KCNC2: variants seen among roughly 807,000 people sequenced by gnomAD.
KCNC2 encodes potassium voltage-gated channel subfamily C member 2, also known as voltage-gated potassium channel KCNC2.
In KCNC2, 21 loss-of-function variants were observed where a neutral mutation model predicts 44.5. The ratio of observed to expected loss-of-function variants is 0.47; its 90% CI spans 0.33 to 0.68. The LOEUF is 0.68. KCNC2 is among the 30% of genes least tolerant of loss of function. KCNC2 has a pLI of 0.01. For missense variants in KCNC2, 589 were observed against 826.2 expected (o/e 0.71, Z 3.52); for synonymous variants, 391 against 339.1 (o/e 1.15, Z -1.68).
At chr12:75,109,959 C>T (rs1699073549) in intron 2 of KCNC2, among the ~76,000 whole-genome samples, 1 of 151,152 alleles carries the variant, frequency 6.6e-6, no homozygotes, top group Admixed American at 6.6e-5. Context: ...TGGCAAAAAT[C>T]AATGGACAGG....
At chr12:75,118,361 T>G (rs1445553597) in intron 2 of KCNC2, among the ~76,000 whole-genome samples, 1 of 151,990 alleles carries the variant, frequency 6.6e-6, no homozygotes, top group East Asian at 1.9e-4. Context: ...ACAAATAAAT[T>G]TAAATAACTT....
At chr12:75,107,083 T>C (rs1317836651) in intron 2 of KCNC2, among the ~76,000 whole-genome samples, 2 of 152,046 alleles carry the variant, frequency 1.3e-5, no homozygotes, top group African/African-American at 4.8e-5. Context: ...GGGGGGCAGA[T>C]CATGAGGTTA....
intron 2 of KCNC2, among the ~76,000 whole-genome samples, chr12:75,146,621 A>G (rs962331623): frequency 2.0e-5 from 3 of 152,234 alleles, no homozygotes; most frequent in Admixed American, 6.5e-5. Context: ...GTGCAAGTGC[A>G]TGAATTTCTC....
At chr12:75,136,164 C>T (rs1262240723) in intron 2 of KCNC2, among the ~76,000 whole-genome samples, 1 of 151,922 alleles carries the variant, frequency 6.6e-6, no homozygotes, top group Non-Finnish European at 1.5e-5. Context: ...CATACCGAAA[C>T]ATCTGGGATG....
In KCNC2 at chr12:75,041,443, G is replaced by A; in HGVS notation, c.*1662C>T. 7.8e-7 allele frequency: 1 copy of A among 1,276,172 alleles called. No homozygotes were observed. 79.1% of individuals were successfully genotyped at this position (1,276,172 alleles called of 1,614,324 possible). On this transcript the variant is annotated 3_prime_UTR_variant, in exon 5 of 5. Transcript: ENST00000549446. ...GTGGCCAATAATAAAAGTGACAATT[G>A]TCTTCCTAACAAAAAATAAACATGA...
intron 2 of KCNC2, among the ~76,000 whole-genome samples, chr12:75,206,974 G>C (rs1028610048): frequency 6.6e-6 from 1 of 152,184 alleles, no homozygotes; most frequent in Non-Finnish European, 1.5e-5. Context: ...GGAGAAACTC[G>C]AGATGAATCC....
intron 2 of KCNC2, among the ~76,000 whole-genome samples, chr12:75,106,055 G>C (rs540340628): frequency 6.6e-6 from 1 of 152,044 alleles, no homozygotes; most frequent in African/African-American, 2.4e-5. Flanking sequence ...AAGAGACTAA[G>C]AAGGAACAAA....
chr12:75,157,199 G>A (rs1890818596), intron 2 of KCNC2, among the ~76,000 whole-genome samples: 1 of 151,894 alleles, frequency 6.6e-6, no homozygotes, highest in South Asian at 2.1e-4. Flanking sequence ...TTGGTAATAA[G>A]AAAGTAAATG....
chr12:75,084,290 T>TGATA (rs56889908), intron 2 of KCNC2, among the ~76,000 whole-genome samples: 9,919 of 123,088 alleles, frequency 0.081, 637 homozygotes, highest in African/African-American at 0.16. Flanking sequence ...GATAGATAGA[T>TGATA]GATAGATAGA....
At chr12:75,118,239 A>G (rs1037371290) in intron 2 of KCNC2, among the ~76,000 whole-genome samples, 5 of 152,180 alleles carry the variant, frequency 3.3e-5, no homozygotes, top group African/African-American at 9.7e-5. Flanking sequence ...GAGCACCATT[A>G]CAGAATAACC....
At chr12:75,057,898 A>G (rs145712555) in intron 2 of KCNC2, among the ~76,000 whole-genome samples, 20 of 151,964 alleles carry the variant, frequency 1.3e-4, no homozygotes, top group African/African-American at 4.1e-4. Flanking sequence ...ATGTACATAT[A>G]CAATCCTTCC....
chr12:75,181,219 G>A (rs1214566548), intron 2 of KCNC2, among the ~76,000 whole-genome samples: 37 of 151,838 alleles, frequency 2.4e-4, no homozygotes, highest in Non-Finnish European at 2.9e-5. Context: ...TCGTTGAAAT[G>A]AAAGGAAAAA....
intron 2 of KCNC2, among the ~76,000 whole-genome samples, chr12:75,200,170 G>A (rs1004591429): frequency 2.0e-5 from 3 of 151,760 alleles, no homozygotes; most frequent in Non-Finnish European, 3.0e-5. Flanking sequence ...GCTGCTTCCC[G>A]ACAGCTAAAA....
chr12:75,069,639 G>A (rs758751860), intron 2 of KCNC2, among the ~76,000 whole-genome samples: 3 of 151,920 alleles, frequency 2.0e-5, no homozygotes, highest in Non-Finnish European at 2.9e-5. Context: ...TAACTATTTT[G>A]TATTACCTTA....
intron 2 of KCNC2, among the ~76,000 whole-genome samples, chr12:75,201,562 A>C (rs2031279495): frequency 6.6e-6 from 1 of 151,914 alleles, no homozygotes; most frequent in Non-Finnish European, 1.5e-5. Flanking sequence ...TAGTGTTGAA[A>C]TCAAGACTGG....
At chr12:75,189,883 G>A (rs190896065) in intron 2 of KCNC2, among the ~76,000 whole-genome samples, 7 of 152,230 alleles carry the variant, frequency 4.6e-5, no homozygotes, top group South Asian at 2.1e-4. Context: ...CTGTAACCTC[G>A]TGGATTTTCT....
Position 75,207,574 on chromosome 12 carries a change from T to A in KCNC2, c.410A>T (p.Glu137Val). ...ADVCGPLFEE[E>V]LAFWGIDETD... ...CTCGTCGATGCCCCAGAAGGCCAGC[T>A]CCTCCTCGAAGAGCGGCCCGCACAC... The change falls in exon 2 of 5, where the codon GAG (glutamate) becomes GTG (valine). Residue 137 changes from glutamate (E) to valine (V), a missense_variant. Glu to Val is a moderately radical substitution (Grantham distance 121, BLOSUM62 -2). Transcript: ENST00000549446. The surrounding 1 kb of genome is among the most constrained non-coding windows in gnomAD (Gnocchi z 4.1). 6.2e-7 allele frequency: 1 copy of A among 1,612,044 alleles called. No homozygotes were observed. Among genetic ancestry groups the A allele is most frequent in the South Asian group, 1.1e-5 (1 of 90,990 alleles).
intron 2 of KCNC2, among the ~76,000 whole-genome samples, chr12:75,102,470 A>T (rs1002238560): frequency 6.6e-6 from 1 of 152,058 alleles, no homozygotes; most frequent in African/African-American, 2.4e-5. Context: ...GAAGAAACCA[A>T]GCCAGTGGCC....
chr12:75,160,671 T>C lies in KCNC2; in HGVS notation c.687+46626A>G, dbSNP rs116097960. Among the ~76,000 whole-genome samples the C allele has an allele frequency of 9.3e-3, 1,419 of 151,942 alleles. 28 individuals carry two copies. The highest frequency in any genetic ancestry group is 0.031 in the African/African-American group (1,293 of 41,522). ...GCGGTTTGTTTGAAAACAATATGCT[T>C]TTCTGGTAACAATGTTGTGGATGTG... On this transcript the variant is annotated intron_variant, in intron 2 of 4. Coordinates refer to ENST00000549446, the MANE Select transcript of KCNC2 (RefSeq NM_139137.4).
Sources: gnomAD v4.1 joint callset for allele counts (sites outside exome capture counted in the v4.1 genomes callset) on GRCh38, gnomAD v4.1.1 for gene constraint, Gnocchi (gnomAD v3.1) non-coding constraint, MANE v1.5 for transcripts, NCBI Gene and HGNC (gene_info 2026-07-23, HGNC 2026-07-21) for gene names.